TTLL11: variants seen among roughly 807,000 people sequenced by gnomAD.
TTLL11 encodes tubulin polyglutamylase TTLL11.
Under a neutral mutation model 51.7 loss-of-function variants are expected in TTLL11, and 42 were observed. The observed-to-expected ratio is 0.81, with a 90% CI of 0.64 to 1.05. The LOEUF is 1.05. Among genes scored for constraint, TTLL11 ranks in the 50% least tolerant of loss-of-function variants. The pLI is 0.00. For missense variants in TTLL11, 799 were observed against 940.4 expected, an observed-to-expected ratio of 0.85 and a Z score of 1.97; for synonymous variants, 381 against 383.5, an observed-to-expected ratio of 0.99 and a Z score of 0.08.
rs1455025388 is a variant in TTLL11, at chr9:121,820,753, A to C, written c.*1834T>G. On this transcript the variant is annotated 3_prime_UTR_variant, in exon 9 of 9. Transcript: ENST00000321582. Reference sequence around the variant, plus strand: ...GTGCCCCATGTAGAGAACACTCGACACACCTCAGGAGGCACATCCTGCCAG... The same window carrying C: ...GTGCCCCATGTAGAGAACACTCGACCCACCTCAGGAGGCACATCCTGCCAG... Among the ~76,000 whole-genome samples the C allele has an allele frequency of 6.6e-6, 1 of 151,672 alleles. No homozygotes were observed. The highest frequency in any genetic ancestry group is 1.5e-5 in the Non-Finnish European group (1 of 67,934).
Position 121,890,808 on chromosome 9 carries a change from A to G in TTLL11, c.1482-20060T>C, listed in dbSNP as rs998893602. On this transcript the variant is annotated intron_variant, in intron 6 of 8. Coordinates refer to ENST00000321582, the MANE Select transcript of TTLL11 (RefSeq NM_001139442.2). This position sits in a 1 kb window ranked among gnomAD's most constrained non-coding sequence, Gnocchi z 4.3. ...GCATGAATGGGTGCATGAATGCATG[A>G]ATGACTGGCTCTTCTCTGCCTGCAG... is the stretch of plus-strand genomic sequence containing the variant. 6.6e-6 allele frequency among the ~76,000 whole-genome samples: 1 copy of G among 152,166 alleles called. No individual in the cohort carries two copies. The highest frequency in any genetic ancestry group is 1.5e-5 in the Non-Finnish European group (1 of 68,050).
chr9:121,989,358 G>GA lies in TTLL11; in HGVS notation c.1105dup (p.Ser369PhefsTer6), dbSNP rs781507857. 1 of 1,614,086 alleles carries GA rather than the reference G, an allele frequency of 6.2e-7. No individual in the cohort carries two copies. The highest frequency in any genetic ancestry group is 8.5e-7 in the Non-Finnish European group (1 of 1,180,040). ...GGAAGACAGTCTACAAAGGATGCTG[G>GA]AAAAAGTCCTTTTGCTGCCAGTGCT... is the stretch of plus-strand genomic sequence containing the variant. On this transcript the variant is annotated frameshift_variant, in exon 4 of 9. Coordinates refer to ENST00000321582, the MANE Select transcript of TTLL11 (RefSeq NM_001139442.2). LOFTEE classifies it high-confidence loss of function. This position sits in a 1 kb window ranked among gnomAD's most constrained non-coding sequence, Gnocchi z 4.2.
intron 6 of TTLL11, among the ~76,000 whole-genome samples, chr9:121,899,391 A>ATATATATATATATATG (rs1564295453): frequency 1.6e-5 from 2 of 126,646 alleles, no homozygotes; most frequent in South Asian, 2.8e-4. Flanking sequence ...ATATATATAT[A>ATATATATATATATATG]TATATATATA....
chr9:122,065,710 G>A (rs1845565549), intron 1 of TTLL11, among the ~76,000 whole-genome samples: 1 of 152,124 alleles, frequency 6.6e-6, no homozygotes, highest in Admixed American at 6.5e-5. Flanking sequence ...TTCCCAAACT[G>A]CACATGGGGC....
At chr9:121,899,954 C>A (rs1839709795) in intron 6 of TTLL11, among the ~76,000 whole-genome samples, 1 of 152,164 alleles carries the variant, frequency 6.6e-6, no homozygotes, top group Non-Finnish European at 1.5e-5. Context: ...CTGTCAATAA[C>A]CCTATGCAGT....
At chr9:122,076,865 A>T (rs1845874818) in intron 1 of TTLL11, among the ~76,000 whole-genome samples, 2 of 152,226 alleles carry the variant, frequency 1.3e-5, no homozygotes, top group South Asian at 4.1e-4. Flanking sequence ...ATCAGAAGAA[A>T]TCCTCACCTA....
chr9:121,818,637 T>G lies in TTLL11; in HGVS notation c.*3950A>C, dbSNP rs1193029303. The stretch of plus-strand genomic sequence containing the variant: ...GAACCGCTCACTCTGTTTGGGGGAT[T>G]GCAGCGGGGACACTGGAACTGAACC... On this transcript the variant is annotated 3_prime_UTR_variant, in exon 9 of 9. Coordinates refer to ENST00000321582, the MANE Select transcript of TTLL11 (RefSeq NM_001139442.2). The G allele has an allele frequency of 6.6e-6, 1 of 152,336 alleles. No homozygotes were observed. The highest frequency in any genetic ancestry group is 1.5e-5 in the Non-Finnish European group (1 of 68,140). 9.4% of individuals were successfully genotyped at this position (152,336 alleles called of 1,614,324 possible).
Position 122,032,671 on chromosome 9 carries a change from A to AT in TTLL11, c.560-816dup, listed in dbSNP as rs143714595. 9.7e-3 allele frequency among the ~76,000 whole-genome samples: 1,456 copies of AT among 150,384 alleles called. 24 individuals are homozygous for AT. Among genetic ancestry groups the AT allele is most frequent in the African/African-American group, 0.034 (1,378 of 40,928 alleles). On this transcript the variant is annotated intron_variant, in intron 2 of 8. Coordinates refer to ENST00000321582, the MANE Select transcript of TTLL11 (RefSeq NM_001139442.2). ...TCAAAAAAAAAAAAAAGGTTGGTGG[A>AT]TTTTTTTTCTTGTAACATCATTAGT...
intron 8 of TTLL11, among the ~76,000 whole-genome samples, chr9:121,839,333 GGT>G (rs2131353287): frequency 6.6e-6 from 1 of 152,228 alleles, no homozygotes; most frequent in South Asian, 2.1e-4. Context: ...TTGAACATTA[GGT>G]GATCCACTTA....
intron 1 of TTLL11, among the ~76,000 whole-genome samples, chr9:122,047,299 A>G (rs1323958403): frequency 6.6e-6 from 1 of 152,214 alleles, no homozygotes; most frequent in Non-Finnish European, 1.5e-5. Context: ...TGAGATTGGA[A>G]GGAAGAATGG....
chr9:121,948,285 A>T (rs1476506485), intron 6 of TTLL11, among the ~76,000 whole-genome samples: 1 of 152,186 alleles, frequency 6.6e-6, no homozygotes, highest in Non-Finnish European at 1.5e-5. Context: ...TGAGAAATGG[A>T]AATGCTTCTG....
intron 6 of TTLL11, among the ~76,000 whole-genome samples, chr9:121,926,074 G>A (rs1000146848): frequency 6.6e-6 from 1 of 152,186 alleles, no homozygotes; most frequent in African/African-American, 2.4e-5. Flanking sequence ...TGAGTCTCTC[G>A]AGGGGTTTTT....
At chr9:121,834,158 G>A (rs960520434) in intron 8 of TTLL11, among the ~76,000 whole-genome samples, 5 of 152,164 alleles carry the variant, frequency 3.3e-5, no homozygotes, top group African/African-American at 9.7e-5. Flanking sequence ...ACTCCAAGGC[G>A]GTTCATCACA....
chr9:121,974,814 GTGAGCAACA>G, intron 5 of TTLL11, 61 bp downstream of exon 5: 1 of 1,181,372 alleles, frequency 8.5e-7, no homozygotes. Context: ...GTTTTGTTAA[GTGAGCAACA>G]TGAGGGTAGG....
intron 8 of TTLL11, among the ~76,000 whole-genome samples, chr9:121,852,393 G>A (rs1837688264): frequency 6.6e-6 from 1 of 152,176 alleles, no homozygotes; most frequent in South Asian, 2.1e-4. Flanking sequence ...AGGTAGCAGA[G>A]TATTGAAACC....
Position 121,974,906 on chromosome 9 carries a change from A to T in TTLL11, c.1343T>A (p.Met448Lys). 1 of 1,545,684 alleles carries T rather than the reference A, an allele frequency of 6.5e-7. No individual in the cohort carries two copies. The highest frequency in any genetic ancestry group is 2.0e-5 in the Admixed American group (1 of 48,988). Residue 448 changes from methionine (M) to lysine (K), a missense_variant, in exon 5 of 9, where the codon ATG becomes AAG. Transcript: ENST00000321582. ...TACTTCGTGCTCATGTTCGATTCTC[A>T]TACTGGGATTTGCATTTACTTCAAG... ...ILLEVNANPS[M>K]RIEHEHELSP...
intron 2 of TTLL11, 70 bp from the exon 3 acceptor site, chr9:122,031,926 G>A: frequency 1.9e-6 from 3 of 1,541,312 alleles, no homozygotes; most frequent in Non-Finnish European, 2.6e-6. Flanking sequence ...CATTATTTGG[G>A]ACTTTTAAAA....
intron 6 of TTLL11, among the ~76,000 whole-genome samples, chr9:121,943,122 T>A (rs1175204479): frequency 6.6e-6 from 1 of 152,162 alleles, no homozygotes; most frequent in Non-Finnish European, 1.5e-5. Flanking sequence ...CTCACCCCCA[T>A]CCGGAGGCAG....
chr9:121,863,513 C>T (rs1009954175), intron 7 of TTLL11, among the ~76,000 whole-genome samples: 1 of 152,140 alleles, frequency 6.6e-6, no homozygotes, highest in Admixed American at 6.5e-5. Flanking sequence ...AAACCTTTAG[C>T]AGGAGCCGTA....
Sources: gnomAD v4.1 joint callset for allele counts (sites outside exome capture counted in the v4.1 genomes callset) on GRCh38, gnomAD v4.1.1 for gene constraint, Gnocchi (gnomAD v3.1) non-coding constraint, MANE v1.5 for transcripts, NCBI Gene and HGNC (gene_info 2026-07-23, HGNC 2026-07-21) for gene names.